KIF26B: variants seen among roughly 807,000 people sequenced by gnomAD.
KIF26B encodes kinesin family member 26B.
Under a neutral mutation model 151.2 loss-of-function variants are expected in KIF26B, and 63 were observed. The ratio of observed to expected loss-of-function variants is 0.42; its 90% CI spans 0.34 to 0.51. The LOEUF (loss-of-function observed/expected upper bound fraction) is 0.51, where lower values mean the gene tolerates loss of function less well. Among genes scored for constraint, KIF26B ranks in the 20% least tolerant of loss-of-function variants. The pLI is 0.07. For missense variants in KIF26B, 2,813 were observed against 2,913.6 expected, an observed-to-expected ratio of 0.97 and a Z score of 0.79; for synonymous variants, 1,357 against 1,262.1, an observed-to-expected ratio of 1.08 and a Z score of -1.59.
At position 245,367,083 on chromosome 1, in the gene KIF26B, C is replaced by G; in HGVS notation, c.715C>G (p.Leu239Val). 2 of 1,599,650 alleles carry G rather than the reference C, an allele frequency of 1.3e-6. No individual in the cohort carries two copies. The highest frequency in any genetic ancestry group is 1.7e-6 in the Non-Finnish European group (2 of 1,173,412). The change falls in exon 3 of 15, where the codon CTC becomes GTC. Residue 239 changes from leucine (L) to valine (V), a missense_variant. Leu to Val is a conservative substitution (Grantham distance 32). Coordinates refer to ENST00000407071, the MANE Select transcript of KIF26B (RefSeq NM_018012.4). The surrounding 1 kb of genome is among the most constrained non-coding windows in gnomAD (Gnocchi z 4.2). Reference protein sequence around the residue: ...TLVGSRHVGGLQQPRDWAFVP... With the variant: ...TLVGSRHVGGVQQPRDWAFVP... ...GGTGGGGTCCCGGCACGTGGGTGGG[C>G]TCCAGCAGCCCAGAGACTGGGCCTT...
intron 4 of KIF26B, among the ~76,000 whole-genome samples, chr1:245,446,930 G>A (rs558874222): frequency 6.6e-6 from 1 of 152,292 alleles, no homozygotes; most frequent in South Asian, 2.1e-4. Context: ...TGGGAAGTAA[G>A]TTTCATTTTC....
In KIF26B at chr1:245,516,098, T is replaced by G. The variant is rs1660956538; in HGVS notation, c.1167-24669T>G. Reference sequence around the variant, plus strand: ...TTCTGCTTCTCCCCTGAGTTTGTTTTCACGGTGGGACTATCCAGGACTAAA... The same window carrying G: ...TTCTGCTTCTCCCCTGAGTTTGTTTGCACGGTGGGACTATCCAGGACTAAA... On this transcript the variant is annotated intron_variant, in intron 4 of 14. Coordinates refer to ENST00000407071, the MANE Select transcript of KIF26B (RefSeq NM_018012.4). The surrounding 1 kb of genome is among the most constrained non-coding windows in gnomAD (Gnocchi z 4.2). Among the ~76,000 whole-genome samples, 1 of 152,168 alleles carries G rather than the reference T, an allele frequency of 6.6e-6. No homozygotes were observed.
chr1:245,670,087 A>G (rs542440459), intron 10 of KIF26B, among the ~76,000 whole-genome samples: 1 of 152,266 alleles, frequency 6.6e-6, no homozygotes, highest in South Asian at 2.1e-4. Context: ...TATACAGTTC[A>G]TCCACGTAAC....
chr1:245,158,284 TAA>T (rs751976638), intron 2 of KIF26B, among the ~76,000 whole-genome samples: 1 of 152,078 alleles, frequency 6.6e-6, no homozygotes, highest in Non-Finnish European at 1.5e-5. Flanking sequence ...TCTTCTCATT[TAA>T]AAAAAGAGGA....
intron 2 of KIF26B, among the ~76,000 whole-genome samples, chr1:245,302,444 A>G (rs1671441974): frequency 6.6e-6 from 1 of 152,216 alleles, no homozygotes; most frequent in Admixed American, 6.5e-5. Flanking sequence ...GATAGCATCC[A>G]GTTTTATGCA....
At chr1:245,294,378 C>T (rs1017390682) in intron 2 of KIF26B, among the ~76,000 whole-genome samples, 4 of 152,152 alleles carry the variant, frequency 2.6e-5, no homozygotes, top group African/African-American at 7.2e-5. Flanking sequence ...CTGCGCAGTC[C>T]CATCTTACAT....
At chr1:245,340,018 G>A (rs981348369) in intron 2 of KIF26B, among the ~76,000 whole-genome samples, 2 of 152,190 alleles carry the variant, frequency 1.3e-5, no homozygotes, top group African/African-American at 4.8e-5. Flanking sequence ...CCCAATACTG[G>A]CTGGAAGGTA....
chr1:245,309,337 T>A (rs115550788), intron 2 of KIF26B, among the ~76,000 whole-genome samples: 155 of 152,252 alleles, frequency 1.0e-3, no homozygotes, highest in African/African-American at 3.7e-3. Context: ...GTGAGTCTCA[T>A]CCAATCGGTC....
At chr1:245,448,676 G>A (rs1484108749) in intron 4 of KIF26B, among the ~76,000 whole-genome samples, 1 of 152,194 alleles carries the variant, frequency 6.6e-6, no homozygotes, top group African/African-American at 2.4e-5. Context: ...TCCACATGGT[G>A]TGTTCTGGAA....
chr1:245,279,788 C>T (rs1418837195), intron 2 of KIF26B, among the ~76,000 whole-genome samples: 1 of 151,236 alleles, frequency 6.6e-6, no homozygotes, highest in Non-Finnish European at 1.5e-5. Context: ...AAAATTGTAG[C>T]TCTGAGGCAT....
intron 5 of KIF26B, among the ~76,000 whole-genome samples, chr1:245,578,732 T>C (rs563519830): frequency 1.1e-4 from 16 of 152,364 alleles, no homozygotes; most frequent in African/African-American, 3.6e-4. Context: ...TTTTAACATT[T>C]GTTTTTTGAG....
intron 5 of KIF26B, among the ~76,000 whole-genome samples, chr1:245,591,499 G>A (rs1028698405): frequency 1.3e-5 from 2 of 152,182 alleles, no homozygotes; most frequent in Non-Finnish European, 2.9e-5. Flanking sequence ...GACACATACT[G>A]ATCAACGTAC....
chr1:245,402,580 G>A (rs1247967552), intron 3 of KIF26B, among the ~76,000 whole-genome samples: 7 of 152,200 alleles, frequency 4.6e-5, no homozygotes, highest in Non-Finnish European at 7.3e-5. Flanking sequence ...AGTGCGATCC[G>A]TGAACCCAAA....
intron 2 of KIF26B, among the ~76,000 whole-genome samples, chr1:245,161,922 G>T (rs1668536311): frequency 6.6e-6 from 1 of 152,184 alleles, no homozygotes; most frequent in Admixed American, 6.5e-5. Context: ...GGGAAAGTAT[G>T]TGAGACTGTC....
rs571370458 is a variant in KIF26B at position 245,488,819 on chromosome 1, G to A, written c.1167-51948G>A. Among the ~76,000 whole-genome samples, 1 of 152,316 alleles carries A rather than the reference G, an allele frequency of 6.6e-6. No individual in the cohort carries two copies. The highest frequency in any genetic ancestry group is 1.9e-4 in the East Asian group (1 of 5,188). On this transcript the variant is annotated intron_variant, in intron 4 of 14. Coordinates refer to ENST00000407071, the MANE Select transcript of KIF26B (RefSeq NM_018012.4). This position sits in a 1 kb window ranked among gnomAD's most constrained non-coding sequence, Gnocchi z 4.6. ...GGCAGATCTTTAAGAGGTTAATTTT[G>A]TGAGTGAGTCCTTAATAACAGAGGG...
At chr1:245,346,091 C>T (rs1027959953) in intron 2 of KIF26B, among the ~76,000 whole-genome samples, 2 of 149,352 alleles carry the variant, frequency 1.3e-5, no homozygotes, top group Admixed American at 6.6e-5. Context: ...TGCCACCACA[C>T]CTGGCTAATT....
rs113111496 is a variant in KIF26B at position 245,404,385 on chromosome 1, C to A, written c.1000-15194C>A. ...ATATGGAAGAGATGAACTCCCGGGTCCAACTCTGAGAATAGAGCACCCTCA... is the reference window on the plus strand; with the variant it reads ...ATATGGAAGAGATGAACTCCCGGGTACAACTCTGAGAATAGAGCACCCTCA... On this transcript the variant is annotated intron_variant, in intron 3 of 14. Coordinates refer to ENST00000407071, the MANE Select transcript of KIF26B (RefSeq NM_018012.4). Among the ~76,000 whole-genome samples, 623 of 152,144 alleles carry A rather than the reference C, an allele frequency of 4.1e-3. 5 individuals are homozygous for A. The highest frequency in any genetic ancestry group is 0.015 in the African/African-American group (613 of 41,504).
chr1:245,647,424 C>CAA (rs372008159), intron 10 of KIF26B, among the ~76,000 whole-genome samples: 3,069 of 95,452 alleles, frequency 0.032, 136 homozygotes, highest in Admixed American at 0.092. Context: ...GACTCCTTCT[C>CAA]AAAAAAAAAA....
At chr1:245,163,949 C>T (rs2103518756) in intron 2 of KIF26B, among the ~76,000 whole-genome samples, 1 of 152,268 alleles carries the variant, frequency 6.6e-6, no homozygotes, top group South Asian at 2.1e-4. Flanking sequence ...TCATTACTCT[C>T]TTCCTTTGCT....
Sources: allele counts gnomAD v4.1 joint callset (sites outside exome capture counted in the v4.1 genomes callset), GRCh38; gene constraint gnomAD v4.1.1; non-coding constraint Gnocchi (gnomAD v3.1); transcripts MANE v1.5; gene names NCBI Gene and HGNC (gene_info 2026-07-23, HGNC 2026-07-21).